Variants in VWDE observed in about 807,000 individuals in gnomAD.
VWDE encodes the protein von Willebrand factor D and EGF domain-containing protein.
VWDE carries 207 observed loss-of-function variants against 178.4 expected under a neutral mutation model. The ratio of observed to expected loss-of-function variants is 1.16; its 90% CI spans 1.04 to 1.30. VWDE has a LOEUF of 1.30. Ranked by LOEUF, VWDE falls within the 50% of genes most tolerant of loss-of-function variation. VWDE has a pLI of 0.00. For synonymous variants in VWDE, 738 were observed against 651.4 expected, an observed-to-expected ratio of 1.13 and a Z score of -2.02; for missense variants, 2,287 against 1,901.3, an observed-to-expected ratio of 1.20 and a Z score of -3.77.
intron 18 of VWDE, chr7:12,354,330 C>A: frequency 2.5e-6 from 1 of 406,292 alleles, no homozygotes; most frequent in Non-Finnish European, 4.8e-6. Context: ...AATCTCATAG[C>A]AGAAAATAGA....
chr7:12,398,674 T>A (rs1289129338), intron 1 of VWDE, among the ~76,000 whole-genome samples: 2 of 152,110 alleles, frequency 1.3e-5, no homozygotes, highest in Non-Finnish European at 2.9e-5. Flanking sequence ...ACCCCTGGCA[T>A]TTCAGTAATA....
At chr7:12,374,359 T>C (rs17165934) in intron 9 of VWDE, among the ~76,000 whole-genome samples, 38,993 of 151,884 alleles carry the variant, frequency 0.26, 5,292 homozygotes, top group African/African-American at 0.32. Flanking sequence ...TTTATTATCA[T>C]ATGGAAATGC....
intron 24 of VWDE, among the ~76,000 whole-genome samples, chr7:12,339,020 A>G (rs1446512085): frequency 1.3e-5 from 2 of 152,128 alleles, no homozygotes; most frequent in African/African-American, 2.4e-5. Flanking sequence ...AGATCTAATA[A>G]GAATTACATG....
intron 19 of VWDE, among the ~76,000 whole-genome samples, chr7:12,345,288 A>C (rs1781543374): frequency 6.6e-6 from 1 of 152,156 alleles, no homozygotes; most frequent in African/African-American, 2.4e-5. Flanking sequence ...TAAGTGAACT[A>C]AGCAGAATAA....
intron 24 of VWDE, among the ~76,000 whole-genome samples, chr7:12,340,117 A>G (rs1403819806): frequency 2.0e-5 from 3 of 152,170 alleles, no homozygotes; most frequent in Admixed American, 2.0e-4. Context: ...GAGCTTCAAT[A>G]TATCGAGTAA....
Position 12,383,574 on chromosome 7 carries a change from C to G in VWDE, c.503G>C (p.Cys168Ser). The G allele has an allele frequency of 1.9e-6, 3 of 1,550,548 alleles. No individual in the cohort carries two copies. Among genetic ancestry groups the G allele is most frequent in the Non-Finnish European group, 2.6e-6 (3 of 1,146,028 alleles). The change falls in exon 4 of 29, where the codon TGT (cysteine) becomes TCT (serine). Residue 168 changes from cysteine to serine, a missense_variant. By Grantham distance (112) the Cys-to-Ser change is moderately radical. Coordinates refer to ENST00000275358, the MANE Select transcript of VWDE (RefSeq NM_001135924.3). ...TCCTGTTTCAGTTTCATCAGAACCA[C>G]ATGGGTGTAATCGTGCATCAGAAAT... ...EAISDARLHP[C>S]GSDETETGGD...
chr7:12,380,573 T>C lies in VWDE; in HGVS notation c.702A>G (p.Glu234=), dbSNP rs757941989. The C allele has an allele frequency of 1.1e-5, 17 of 1,552,116 alleles. No homozygotes were observed. Among genetic ancestry groups the C allele is most frequent in the Non-Finnish European group, 1.5e-5 (17 of 1,147,114 alleles). The change falls in exon 5 of 29, where the codon GAA becomes GAG. Residue 234 remains glutamate (E), a synonymous_variant. Coordinates refer to ENST00000275358, the MANE Select transcript of VWDE (RefSeq NM_001135924.3). The part of the protein sequence containing the change: ...HIAWSRLSSQ[E]VKEELTQETT... ...TCTCTTGTGTCAGCTCCTCTTTGAC[T>C]TCTTGAGAAGAAAGCCTAGACCAAG...
intron 19 of VWDE, among the ~76,000 whole-genome samples, chr7:12,350,644 C>T (rs931862868): frequency 6.6e-6 from 1 of 152,004 alleles, no homozygotes; most frequent in Non-Finnish European, 1.5e-5. Flanking sequence ...AAGTTTGAGA[C>T]CCTGGTCTCT....
At chr7:12,368,704 T>C (rs1782994284) in intron 12 of VWDE, among the ~76,000 whole-genome samples, 1 of 152,154 alleles carries the variant, frequency 6.6e-6, no homozygotes, top group Non-Finnish European at 1.5e-5. Flanking sequence ...ATGATCTCAC[T>C]CACATTTCAG....
At chr7:12,359,005 G>A (rs1412277198) in intron 16 of VWDE, among the ~76,000 whole-genome samples, 2 of 152,108 alleles carry the variant, frequency 1.3e-5, no homozygotes, top group East Asian at 3.8e-4. Context: ...ATGGGGCCAG[G>A]GAATAATTGT....
chr7:12,372,431 C>T (rs1233018083), intron 10 of VWDE, among the ~76,000 whole-genome samples: 2 of 151,758 alleles, frequency 1.3e-5, no homozygotes, highest in African/African-American at 4.8e-5. Flanking sequence ...CTTGGAATTA[C>T]TTGTTTGAAA....
intron 27 of VWDE, chr7:12,333,809 TAAAA>T (rs1314176503): frequency 6.1e-6 from 2 of 325,920 alleles, no homozygotes; most frequent in Non-Finnish European, 1.1e-5. Flanking sequence ...AAGATATTAT[TAAAA>T]GAAACAAAAA....
chr7:12,347,743 CA>C (rs954231082), intron 19 of VWDE, among the ~76,000 whole-genome samples: 9 of 151,742 alleles, frequency 5.9e-5, no homozygotes, highest in Non-Finnish European at 4.4e-5. Context: ...CATATGGAAC[CA>C]AAAAAGAGCC....
At chr7:12,389,429 C>T (rs1784271273) in intron 2 of VWDE, 71 bp from the exon 3 acceptor site, 12 of 1,099,524 alleles carry the variant, frequency 1.1e-5, no homozygotes, top group Middle Eastern at 2.3e-4. Flanking sequence ...ATCAACTTTG[C>T]ATTTTATTCT....
chr7:12,394,385 T>C (rs992609324), intron 1 of VWDE, among the ~76,000 whole-genome samples: 1 of 152,020 alleles, frequency 6.6e-6, no homozygotes, highest in Admixed American at 6.6e-5. Flanking sequence ...ACGAATGGGA[T>C]GGAGGGGAGC....
intron 2 of VWDE, among the ~76,000 whole-genome samples, 176 bp from the exon 3 acceptor site, chr7:12,389,534 G>C (rs1784278844): frequency 6.6e-6 from 1 of 151,862 alleles, no homozygotes; most frequent in Non-Finnish European, 1.5e-5. Flanking sequence ...CTAAATTTAA[G>C]GGTACACATC....
chr7:12,380,366 G>A (rs974106509), intron 5 of VWDE, 120 bp downstream of exon 5: 58 of 1,335,580 alleles, frequency 4.3e-5, no homozygotes, highest in Non-Finnish European at 5.0e-5. Flanking sequence ...AAAACAAAAA[G>A]AAAAATATTA....
chr7:12,360,442 A>C (rs893293546), intron 15 of VWDE, among the ~76,000 whole-genome samples: 1 of 152,180 alleles, frequency 6.6e-6, no homozygotes, highest in Admixed American at 6.5e-5. Flanking sequence ...AAAATCAAAC[A>C]ATCTCTCAAA....
Position 12,336,194 on chromosome 7 carries a change from G to A in VWDE, c.4601C>T (p.Ala1534Val), listed in dbSNP as rs1298325317. ...GGAAGGACAATGGCATATGCTGGGC[G>A]CAATGCATTCACCACCGTTTTTACA... ...QKCKNGGECI[A>V]PSICHCPSSW... Residue 1534 changes from alanine (A) to valine (V), a missense_variant, in exon 27 of 29, where the codon GCG (alanine) becomes GTG (valine). Transcript: ENST00000275358. The A allele has an allele frequency of 1.4e-5, 21 of 1,551,190 alleles. No individual in the cohort carries two copies. Among genetic ancestry groups the A allele is most frequent in the South Asian group, 2.4e-5 (2 of 84,002 alleles).
Sources: gnomAD v4.1 joint callset for allele counts (sites outside exome capture counted in the v4.1 genomes callset) on GRCh38, gnomAD v4.1.1 for gene constraint, MANE v1.5 for transcripts, NCBI Gene and HGNC (gene_info 2026-07-23, HGNC 2026-07-21) for gene names.